The following SCLY variants were observed in gnomAD, a reference collection of about 807,000 sequenced individuals.
SCLY encodes the protein putative selenocysteine lyase.
SCLY carries 38 observed loss-of-function variants against 50.1 expected under a neutral mutation model. The observed-to-expected ratio is 0.76, with a 90% CI of 0.59 to 0.99. The LOEUF (loss-of-function observed/expected upper bound fraction) is 0.99. Ranked by LOEUF, SCLY falls within the 50% of genes least tolerant of loss-of-function variation. The pLI is 0.00. For missense variants in SCLY, 600 were observed against 620.0 expected, an observed-to-expected ratio of 0.97 and a Z score of 0.34; for synonymous variants, 243 against 249.4, an observed-to-expected ratio of 0.97 and a Z score of 0.24.
At chr2:238,094,367 CTGG>C in intron 9 of SCLY, 50 bp from the exon 10 acceptor site, 2 of 1,415,386 alleles carry the variant, frequency 1.4e-6, no homozygotes, top group Non-Finnish European at 2.0e-6. Context: ...CAAACAGTTG[CTGG>C]TGGTGGTGTC....
At chr2:238,082,732 G>C (rs1485335516) in intron 6 of SCLY, 1 of 179,140 alleles carries the variant, frequency 5.6e-6, no homozygotes, top group Non-Finnish European at 1.2e-5. Context: ...GCTTACCAGG[G>C]CCCGAGATAT....
At chr2:238,091,550 C>CTCGT in intron 8 of SCLY, 1 of 408,674 alleles carries the variant, frequency 2.4e-6, no homozygotes, top group Non-Finnish European at 4.6e-6. Context: ...GCAGGTTCAC[C>CTCGT]ATTCCCAAAG....
At chr2:238,068,560 G>A (rs1327408614) in intron 3 of SCLY, among the ~76,000 whole-genome samples, 2 of 152,054 alleles carry the variant, frequency 1.3e-5, no homozygotes, top group African/African-American at 2.4e-5. Context: ...GAAAGAAAGA[G>A]AGTAATGTGT....
At position 238,069,600 on chromosome 2, in the gene SCLY, T is replaced by A; in HGVS notation, c.484+123T>A. On this transcript the variant is annotated intron_variant, in intron 4 of 11. Coordinates refer to ENST00000254663, the MANE Select transcript of SCLY (RefSeq NM_016510.7). This position sits in a 1 kb window ranked among gnomAD's most constrained non-coding sequence, Gnocchi z 5.0. ...TGTAGATTCAGTGTGCCACTCACTG[T>A]AACTCACTGGTTCTGATGAGGAGGC... 1.1e-6 allele frequency: 1 copy of A among 901,738 alleles called. No homozygotes were observed. Among genetic ancestry groups the A allele is most frequent in the Non-Finnish European group, 1.6e-6 (1 of 616,868 alleles). 55.9% of individuals were successfully genotyped at this position (901,738 alleles called of 1,614,324 possible). A position where few individuals can be genotyped will look rare whatever the true frequency, so the allele number is the denominator to read the frequency against.
At chr2:238,094,306 A>G (rs1224912736) in intron 9 of SCLY, 114 bp from the exon 10 acceptor site, 3 of 878,266 alleles carry the variant, frequency 3.4e-6, no homozygotes, top group Non-Finnish European at 3.7e-6. Flanking sequence ...GTAGATGCTG[A>G]TTGAAAAGTA....
At chr2:238,094,290 T>G (rs2065401596) in intron 9 of SCLY, 130 bp from the exon 10 acceptor site, 1 of 787,448 alleles carries the variant, frequency 1.3e-6, no homozygotes, top group Non-Finnish European at 2.1e-6. Flanking sequence ...CCCGTAACTA[T>G]TCTGGGTAGA....
chr2:238,086,589 C>T (rs1481821410), intron 7 of SCLY, among the ~76,000 whole-genome samples: 3 of 150,846 alleles, frequency 2.0e-5, no homozygotes, highest in Non-Finnish European at 4.4e-5. Context: ...GCCTGTAGTC[C>T]CAGCTACTCA....
chr2:238,084,143 A>G (rs2065265033), intron 7 of SCLY, among the ~76,000 whole-genome samples: 1 of 152,192 alleles, frequency 6.6e-6, no homozygotes, highest in Admixed American at 6.5e-5. Context: ...AAGGTATCCC[A>G]CACCACCACC....
Position 238,098,693 on chromosome 2 carries a change from T to G in SCLY, c.*338T>G. ...TCCTCCAGTGGTGAAGCGGAAACACTTAGCTTTATCCACCCTCCCCACTGG... is the reference window on the plus strand; with the variant it reads ...TCCTCCAGTGGTGAAGCGGAAACACGTAGCTTTATCCACCCTCCCCACTGG... On this transcript the variant is annotated 3_prime_UTR_variant, in exon 12 of 12. Coordinates refer to ENST00000254663, the MANE Select transcript of SCLY (RefSeq NM_016510.7). The G allele has an allele frequency of 1.3e-5, 2 of 153,478 alleles. No individual in the cohort carries two copies. The highest frequency in any genetic ancestry group is 2.2e-5 in the Non-Finnish European group (2 of 90,708). The allele number at this position is 153,478 out of a possible 1,614,324, so 9.5% of individuals were successfully genotyped here.
rs988696590 is a variant in SCLY at position 238,098,666 on chromosome 2, C to T, written c.*311C>T. On this transcript the variant is annotated 3_prime_UTR_variant, in exon 12 of 12. Coordinates refer to ENST00000254663, the MANE Select transcript of SCLY (RefSeq NM_016510.7). ...CCACATGGGACCGCCCACATAGAAC[C>T]GTCCTCCAGTGGTGAAGCGGAAACA... The T allele has an allele frequency of 9.5e-6, 4 of 423,022 alleles. No individual in the cohort carries two copies. Among genetic ancestry groups the T allele is most frequent in the Non-Finnish European group, 1.7e-5 (4 of 242,106 alleles). 26.2% of individuals were successfully genotyped at this position (423,022 alleles called of 1,614,324 possible).
intron 4 of SCLY, among the ~76,000 whole-genome samples, chr2:238,070,679 A>G (rs968536332): frequency 2.0e-5 from 3 of 151,378 alleles, no homozygotes; most frequent in East Asian, 1.9e-4. Context: ...ATCTCAGGGG[A>G]AAAAAAAATT....
rs1030422461 is a variant in SCLY, at chr2:238,083,035, C to A, written c.778-213C>A. On this transcript the variant is annotated intron_variant, in intron 6 of 11. Coordinates refer to ENST00000254663, the MANE Select transcript of SCLY (RefSeq NM_016510.7). This position sits in a 1 kb window ranked among gnomAD's most constrained non-coding sequence, Gnocchi z 4.3. Reference sequence around the variant, plus strand: ...CAGAGCTGAGCACGAGAGTCTAGCACCTGCGCTGCCTCCTAGGTTGGGGTT... The same window carrying A: ...CAGAGCTGAGCACGAGAGTCTAGCAACTGCGCTGCCTCCTAGGTTGGGGTT... 2 of 647,402 alleles carry A rather than the reference C, an allele frequency of 3.1e-6. No homozygotes were observed. The highest frequency in any genetic ancestry group is 5.9e-6 in the Non-Finnish European group (2 of 338,788). 40.1% of individuals were successfully genotyped at this position (647,402 alleles called of 1,614,324 possible).
In SCLY at chr2:238,067,902, T is replaced by G. The variant is rs2065086408; in HGVS notation, c.203-163T>G. Among the ~76,000 whole-genome samples, 1 of 152,212 alleles carries G rather than the reference T, an allele frequency of 6.6e-6. No homozygotes were observed. Among genetic ancestry groups the G allele is most frequent in the Non-Finnish European group, 1.5e-5 (1 of 68,032 alleles). On this transcript the variant is annotated intron_variant, in intron 2 of 11. Coordinates refer to ENST00000254663, the MANE Select transcript of SCLY (RefSeq NM_016510.7). The surrounding 1 kb of genome is among the most constrained non-coding windows in gnomAD (Gnocchi z 4.3). Reference sequence around the variant, plus strand: ...TCTCGGCCGCCCCTTTGCCGGGTTGTGTCTAGGTTGTAGCATTTTGCTGTG... The same window carrying G: ...TCTCGGCCGCCCCTTTGCCGGGTTGGGTCTAGGTTGTAGCATTTTGCTGTG...
In SCLY at chr2:238,098,632, TGGG is replaced by T. The variant is rs1559254752; in HGVS notation, c.*278_*280del. The T allele has an allele frequency of 1.3e-4, 47 of 352,972 alleles. No homozygotes were observed. Among genetic ancestry groups the T allele is most frequent in the African/African-American group, 9.4e-4 (42 of 44,496 alleles). The allele number at this position is 352,972 out of a possible 1,614,324, so 21.9% of individuals were successfully genotyped here. On this transcript the variant is annotated 3_prime_UTR_variant, in exon 12 of 12. Transcript: ENST00000254663. ...GACCGCCCACATGGGACCGCCCACA[TGGG>T]ACCGCCCACATGGGACCGCCCACAT...
chr2:238,069,071 A>G lies in SCLY; in HGVS notation c.304-226A>G, dbSNP rs970584411. ...CCAATACATTTATATAAATTCTTAA[A>G]AATTAATAATATTGCTTAACTATAA... On this transcript the variant is annotated intron_variant, in intron 3 of 11. Coordinates refer to ENST00000254663, the MANE Select transcript of SCLY (RefSeq NM_016510.7). The surrounding 1 kb of genome is among the most constrained non-coding windows in gnomAD (Gnocchi z 5.0). Among the ~76,000 whole-genome samples the G allele has an allele frequency of 4.6e-5, 7 of 152,232 alleles. No individual in the cohort carries two copies. The highest frequency in any genetic ancestry group is 9.6e-5 in the African/African-American group (4 of 41,458).
intron 4 of SCLY, among the ~76,000 whole-genome samples, chr2:238,071,246 G>A (rs2065124283): frequency 6.6e-6 from 1 of 152,088 alleles, no homozygotes; most frequent in Non-Finnish European, 1.5e-5. Flanking sequence ...GTTTAAAATT[G>A]TACAATTTAA....
rs556627324 is a variant in SCLY, at chr2:238,061,237, C to T, written c.89+94C>T. ...GAAGGGGGCTCCCGGCCTGTGGCCGCTCTCGCGTGGGGCGTCCCGCGCGGG... is the reference window on the plus strand; with the variant it reads ...GAAGGGGGCTCCCGGCCTGTGGCCGTTCTCGCGTGGGGCGTCCCGCGCGGG... On this transcript the variant is annotated intron_variant, in intron 1 of 11. Transcript: ENST00000254663. The T allele has an allele frequency of 3.0e-5, 30 of 988,366 alleles. No homozygotes were observed. In the South Asian group the frequency reaches 3.6e-4, roughly 12 times the overall value. 61.2% of individuals were successfully genotyped at this position (988,366 alleles called of 1,614,324 possible). A position where few individuals can be genotyped will look rare whatever the true frequency, so the allele number is the denominator to read the frequency against.
chr2:238,074,030 T>A (rs1576665468), intron 4 of SCLY, among the ~76,000 whole-genome samples: 1 of 152,110 alleles, frequency 6.6e-6, no homozygotes, highest in South Asian at 2.1e-4. Context: ...GCTGGCTGGG[T>A]GTGGTGTCTC....
rs1166118759 is a variant in SCLY at position 238,066,688 on chromosome 2, G to A, written c.203-1377G>A. Among the ~76,000 whole-genome samples the A allele has an allele frequency of 6.6e-6, 1 of 152,186 alleles. No homozygotes were observed. Among genetic ancestry groups the A allele is most frequent in the Non-Finnish European group, 1.5e-5 (1 of 68,026 alleles). ...GATTAATTGGCGGGGAATGAAAAGG[G>A]AAAGAGCCCACGCTTTTGCCCTGGG... On this transcript the variant is annotated intron_variant, in intron 2 of 11. Transcript: ENST00000254663. The surrounding 1 kb of genome is among the most constrained non-coding windows in gnomAD (Gnocchi z 4.1).
Sources: gnomAD v4.1 joint callset for allele counts (sites outside exome capture counted in the v4.1 genomes callset) on GRCh38, gnomAD v4.1.1 for gene constraint, Gnocchi (gnomAD v3.1) non-coding constraint, MANE v1.5 for transcripts, NCBI Gene and HGNC (gene_info 2026-07-23, HGNC 2026-07-21) for gene names.